GALNT18: variants seen among roughly 807,000 people sequenced by gnomAD.
GALNT18 encodes the protein polypeptide N-acetylgalactosaminyltransferase 18.
A neutral mutation model predicts 69.5 loss-of-function variants in GALNT18; 44 were observed. The observed-to-expected ratio is 0.63, with a 90% CI of 0.50 to 0.81. GALNT18 has a LOEUF of 0.81. GALNT18 is among the 40% of genes least tolerant of loss of function. The pLI is 0.00. For synonymous variants in GALNT18, 364 were observed against 318.2 expected, an observed-to-expected ratio of 1.14 and a Z score of -1.53; for missense variants, 715 against 810.0, an observed-to-expected ratio of 0.88 and a Z score of 1.42.
chr11:11,452,132 C>T (rs930140508), intron 1 of GALNT18, among the ~76,000 whole-genome samples: 4 of 152,222 alleles, frequency 2.6e-5, no homozygotes, highest in African/African-American at 9.6e-5. Flanking sequence ...CTGCCCTGTA[C>T]CTTAGAGTTG....
chr11:11,335,668 A>G (rs1301120885), intron 7 of GALNT18, among the ~76,000 whole-genome samples: 1 of 152,194 alleles, frequency 6.6e-6, no homozygotes, highest in Non-Finnish European at 1.5e-5. Flanking sequence ...GCTTGCCTAA[A>G]TTATGACTGT....
chr11:11,519,598 G>C (rs879418749), intron 1 of GALNT18, among the ~76,000 whole-genome samples: 1 of 152,204 alleles, frequency 6.6e-6, no homozygotes, highest in Non-Finnish European at 1.5e-5. Flanking sequence ...GGGCCAGCCA[G>C]GGAAAGCCTG....
At chr11:11,375,068 G>A (rs1853712655) in intron 5 of GALNT18, among the ~76,000 whole-genome samples, 1 of 152,182 alleles carries the variant, frequency 6.6e-6, no homozygotes, top group Admixed American at 6.5e-5. Flanking sequence ...GGCGACTTAG[G>A]GAACAGCGAT....
At chr11:11,437,545 G>A (rs116694742) in intron 2 of GALNT18, among the ~76,000 whole-genome samples, 2,787 of 152,130 alleles carry the variant, frequency 0.018, 90 homozygotes, top group African/African-American at 0.064. Context: ...AGTGCTGTAC[G>A]ATCATGTGAG....
rs1345384394 is a variant in GALNT18, at chr11:11,340,274, G to C, written c.1278+545C>G. Among the ~76,000 whole-genome samples, 1 of 49,962 alleles carries C rather than the reference G, an allele frequency of 2.0e-5. No individual in the cohort carries two copies. Among genetic ancestry groups the C allele is most frequent in the African/African-American group, 1.3e-4 (1 of 7,750 alleles). The allele number at this position is 49,962 out of a possible 152,430, so 32.8% of individuals were successfully genotyped here. A position where few individuals can be genotyped will look rare whatever the true frequency, so the allele number is the denominator to read the frequency against. ...GAGGACAGTGGCAGGCAATGATGAG[G>C]CTCTGTGAAGGTTAACTCCATCTCC... On this transcript the variant is annotated intron_variant, in intron 7 of 10. Transcript: ENST00000227756. This position sits in a 1 kb window ranked among gnomAD's most constrained non-coding sequence, Gnocchi z 4.2.
chr11:11,312,088 C>T (rs1057103686), intron 9 of GALNT18, among the ~76,000 whole-genome samples: 12 of 152,188 alleles, frequency 7.9e-5, no homozygotes, highest in African/African-American at 2.9e-4. Flanking sequence ...TCCTGAGTAG[C>T]TGGGACTACA....
chr11:11,359,042 G>T (rs1850589975), intron 6 of GALNT18, among the ~76,000 whole-genome samples: 1 of 140,690 alleles, frequency 7.1e-6, no homozygotes, highest in Non-Finnish European at 1.6e-5. Flanking sequence ...GTTGCATCTG[G>T]TGGTTTTCTG....
chr11:11,588,913 C>G (rs1042869452), intron 1 of GALNT18, among the ~76,000 whole-genome samples: 1 of 152,164 alleles, frequency 6.6e-6, no homozygotes, highest in African/African-American at 2.4e-5. Flanking sequence ...ACTAAAAGGG[C>G]CTGTTTTTGC....
rs1247083282 is a variant in GALNT18, at chr11:11,602,014, T to A, written c.235+19345A>T. On this transcript the variant is annotated intron_variant, in intron 1 of 10. Coordinates refer to ENST00000227756, the MANE Select transcript of GALNT18 (RefSeq NM_198516.3). This position sits in a 1 kb window ranked among gnomAD's most constrained non-coding sequence, Gnocchi z 4.7. ...TAACCTCCTCTTAAATGCTCGGAAA[T>A]TGCTTTTATGCTTGGACCTCCTCAT... Among the ~76,000 whole-genome samples the A allele has an allele frequency of 6.6e-6, 1 of 152,168 alleles. No individual in the cohort carries two copies. The highest frequency in any genetic ancestry group is 1.5e-5 in the Non-Finnish European group (1 of 68,034).
At chr11:11,280,091 A>T (rs559944793) in intron 10 of GALNT18, among the ~76,000 whole-genome samples, 5 of 152,234 alleles carry the variant, frequency 3.3e-5, no homozygotes, top group Admixed American at 6.5e-5. Context: ...ATTCAGAAGC[A>T]TTCACACAAA....
At chr11:11,506,613 T>A (rs1467659678) in intron 1 of GALNT18, among the ~76,000 whole-genome samples, 2 of 152,222 alleles carry the variant, frequency 1.3e-5, no homozygotes, top group African/African-American at 4.8e-5. Flanking sequence ...CATTGCTATT[T>A]TCTGGTAGAA....
chr11:11,425,575 G>A (rs1436270972), intron 3 of GALNT18, among the ~76,000 whole-genome samples: 1 of 152,204 alleles, frequency 6.6e-6, no homozygotes, highest in Admixed American at 6.5e-5. Context: ...AAGAGGACAG[G>A]AGTTCAAAAA....
intron 3 of GALNT18, among the ~76,000 whole-genome samples, chr11:11,429,556 A>C (rs998752106): frequency 6.6e-6 from 1 of 152,204 alleles, no homozygotes; most frequent in Non-Finnish European, 1.5e-5. Context: ...GACAGGGATC[A>C]ATTCACAGTC....
At chr11:11,364,553 G>T (rs529451676) in intron 6 of GALNT18, among the ~76,000 whole-genome samples, 2 of 141,292 alleles carry the variant, frequency 1.4e-5, no homozygotes, top group African/African-American at 2.5e-5. Context: ...AATTACAAGA[G>T]GGGGGGAAAA....
intron 10 of GALNT18, among the ~76,000 whole-genome samples, chr11:11,277,221 C>T (rs965485095): frequency 6.6e-6 from 1 of 152,160 alleles, no homozygotes; most frequent in African/African-American, 2.4e-5. Context: ...GATTCAACTT[C>T]TTCCTGGCTT....
chr11:11,499,932 T>C (rs1177107221), intron 1 of GALNT18, among the ~76,000 whole-genome samples: 2 of 152,136 alleles, frequency 1.3e-5, no homozygotes, highest in Non-Finnish European at 2.9e-5. Context: ...CCAATGACCA[T>C]AGAACTTAAC....
intron 1 of GALNT18, among the ~76,000 whole-genome samples, chr11:11,607,576 C>A (rs1238745491): frequency 6.6e-6 from 1 of 152,160 alleles, no homozygotes; most frequent in East Asian, 1.9e-4. Context: ...ACAAAATGCA[C>A]ATTTTGTAGA....
intron 1 of GALNT18, among the ~76,000 whole-genome samples, chr11:11,481,853 T>C (rs1239954769): frequency 6.6e-6 from 1 of 152,216 alleles, no homozygotes; most frequent in Non-Finnish European, 1.5e-5. Flanking sequence ...ATTATCACAG[T>C]TGTATCCCCA....
At chr11:11,443,884 C>T (rs1443608428) in intron 2 of GALNT18, among the ~76,000 whole-genome samples, 1 of 152,230 alleles carries the variant, frequency 6.6e-6, no homozygotes, top group African/African-American at 2.4e-5. Context: ...TTGATTTCCC[C>T]AGGAGCCAAG....
Sources: allele counts gnomAD v4.1 joint callset (sites outside exome capture counted in the v4.1 genomes callset), GRCh38; gene constraint gnomAD v4.1.1; non-coding constraint Gnocchi (gnomAD v3.1); transcripts MANE v1.5; gene names NCBI Gene and HGNC (gene_info 2026-07-23, HGNC 2026-07-21).